The following NEGR1 variants were observed in gnomAD, a reference collection of about 807,000 sequenced individuals.
NEGR1 encodes IgLON family member 4.
In NEGR1, 10 loss-of-function variants were observed where a neutral mutation model predicts 40.9. The ratio of observed to expected loss-of-function variants is 0.24; its 90% CI spans 0.15 to 0.42. NEGR1 has a LOEUF of 0.42. Ranked by LOEUF, NEGR1 falls within the 10% of genes least tolerant of loss-of-function variation. NEGR1 has a pLI of 1.00. For synonymous variants in NEGR1, 185 were observed against 166.8 expected, an observed-to-expected ratio of 1.11 and a Z score of -0.84; for missense variants, 352 against 438.9, an observed-to-expected ratio of 0.80 and a Z score of 1.77.
chr1:71,582,500 T>C (rs1385209000), intron 6 of NEGR1, among the ~76,000 whole-genome samples: 4 of 152,322 alleles, frequency 2.6e-5, no homozygotes, highest in Admixed American at 6.5e-5. Flanking sequence ...TAGCAGCATA[T>C]TATTTTGCCT....
Position 72,166,399 on chromosome 1 carries a change from A to G in NEGR1, c.176+115920T>C, listed in dbSNP as rs551981229. Among the ~76,000 whole-genome samples the G allele has an allele frequency of 1.5e-3, 227 of 152,230 alleles. 2 individuals carry two copies. Among genetic ancestry groups the G allele is most frequent in the Non-Finnish European group, 2.7e-3 (184 of 67,952 alleles). On this transcript the variant is annotated intron_variant, in intron 1 of 6. Coordinates refer to ENST00000357731, the MANE Select transcript of NEGR1 (RefSeq NM_173808.3). ...CTCAGAAACTAAAAACAGAACTACC[A>G]TCTGATCCAGCAATCCTACTGCTGA...
At chr1:71,709,704 C>CA (rs1208558932) in intron 3 of NEGR1, among the ~76,000 whole-genome samples, 1 of 152,072 alleles carries the variant, frequency 6.6e-6, no homozygotes, top group African/African-American at 2.4e-5. Context: ...TCAACATATA[C>CA]AAAAAATCAA....
At chr1:72,089,235 C>T (rs949326690) in intron 1 of NEGR1, among the ~76,000 whole-genome samples, 4 of 152,130 alleles carry the variant, frequency 2.6e-5, no homozygotes, top group African/African-American at 7.2e-5. Flanking sequence ...GATGGAACCA[C>T]TAGCTACCAC....
intron 1 of NEGR1, among the ~76,000 whole-genome samples, chr1:71,940,914 G>A (rs936260532): frequency 6.6e-6 from 1 of 152,082 alleles, no homozygotes; most frequent in Non-Finnish European, 1.5e-5. Context: ...AAAAACATAA[G>A]CATTAGCACC....
chr1:72,229,092 G>A (rs1654277898), intron 1 of NEGR1, among the ~76,000 whole-genome samples: 1 of 151,960 alleles, frequency 6.6e-6, no homozygotes, highest in African/African-American at 2.4e-5. Context: ...AAAAATGTTG[G>A]AGCTGGCATT....
intron 6 of NEGR1, among the ~76,000 whole-genome samples, chr1:71,591,470 G>A (rs931053020): frequency 5.3e-5 from 8 of 151,972 alleles, no homozygotes; most frequent in African/African-American, 1.2e-4. Flanking sequence ...TTACTTTGCC[G>A]TGTTAATTCA....
At chr1:71,704,420 G>T (rs1653817616) in intron 3 of NEGR1, among the ~76,000 whole-genome samples, 1 of 151,792 alleles carries the variant, frequency 6.6e-6, no homozygotes, top group Admixed American at 6.6e-5. Context: ...AGAACAAAAA[G>T]AGATGACACA....
At chr1:72,184,287 C>T (rs2100418212) in intron 1 of NEGR1, among the ~76,000 whole-genome samples, 1 of 152,144 alleles carries the variant, frequency 6.6e-6, no homozygotes, top group Middle Eastern at 3.4e-3. Context: ...ACATTACTGG[C>T]AACAAAGAGG....
At chr1:72,146,498 T>C (rs934959206) in intron 1 of NEGR1, among the ~76,000 whole-genome samples, 6 of 152,156 alleles carry the variant, frequency 3.9e-5, no homozygotes, top group African/African-American at 1.4e-4. Context: ...ATTGCACACA[T>C]GGGTGGCTGG....
At chr1:71,433,796 G>C (rs1322079670) in intron 6 of NEGR1, among the ~76,000 whole-genome samples, 1 of 152,230 alleles carries the variant, frequency 6.6e-6, no homozygotes, top group African/African-American at 2.4e-5. Context: ...CAGTGTGTGT[G>C]TGTGAGAGAG....
chr1:72,040,225 C>T (rs1205250526), intron 1 of NEGR1, among the ~76,000 whole-genome samples: 1 of 151,806 alleles, frequency 6.6e-6, no homozygotes, highest in Non-Finnish European at 1.5e-5. Context: ...CCCCCGAATC[C>T]CGCATCGTAA....
chr1:71,849,601 A>G (rs563621131), intron 2 of NEGR1, among the ~76,000 whole-genome samples: 8 of 152,320 alleles, frequency 5.3e-5, no homozygotes, highest in African/African-American at 9.6e-5. Context: ...AAAACAATTT[A>G]TATTGGCAAA....
At chr1:71,498,737 G>T (rs534307100) in intron 6 of NEGR1, among the ~76,000 whole-genome samples, 1 of 152,156 alleles carries the variant, frequency 6.6e-6, no homozygotes, top group East Asian at 1.9e-4. Context: ...ATTTGCAGTT[G>T]ATTATGCAAT....
chr1:71,701,436 A>C (rs537361898), intron 3 of NEGR1, among the ~76,000 whole-genome samples: 1 of 152,078 alleles, frequency 6.6e-6, no homozygotes, highest in Non-Finnish European at 1.5e-5. Context: ...ATGTTGGGTC[A>C]AGTCTTTATC....
At position 72,274,950 on chromosome 1, in the gene NEGR1, C is replaced by T. The variant is rs1376211448; in HGVS notation, c.176+7369G>A. On this transcript the variant is annotated intron_variant, in intron 1 of 6. Transcript: ENST00000357731. The stretch of plus-strand genomic sequence containing the variant: ...ACGTCTGCATGATCTCCTTTGCGCA[C>T]GATGTAGCAGCACAAGGGAAGTACA... 18 of 1,534,964 alleles carry T rather than the reference C, an allele frequency of 1.2e-5. No homozygotes were observed. In the East Asian group the frequency reaches 3.4e-4, roughly 29 times the overall value.
At chr1:72,231,338 G>T (rs1391719884) in intron 1 of NEGR1, among the ~76,000 whole-genome samples, 1 of 151,922 alleles carries the variant, frequency 6.6e-6, no homozygotes, top group Non-Finnish European at 1.5e-5. Flanking sequence ...TGATTAAGAG[G>T]ACAAACTCTG....
intron 2 of NEGR1, among the ~76,000 whole-genome samples, chr1:71,901,061 T>A: frequency 6.6e-6 from 1 of 152,246 alleles, no homozygotes; most frequent in East Asian, 1.9e-4. Flanking sequence ...CATTTTTCTC[T>A]ACTTTAAAAT....
intron 1 of NEGR1, among the ~76,000 whole-genome samples, chr1:72,217,082 G>A (rs1281597992): frequency 6.6e-6 from 1 of 151,640 alleles, no homozygotes; most frequent in East Asian, 1.9e-4. Context: ...TTAAACAATA[G>A]TATCCCCAAT....
chr1:71,526,125 C>A (rs1197583990), intron 6 of NEGR1, among the ~76,000 whole-genome samples: 2 of 151,546 alleles, frequency 1.3e-5, no homozygotes, highest in South Asian at 4.2e-4. Flanking sequence ...TTCTGCTATA[C>A]TTTTATCTGG....
Sources: allele counts gnomAD v4.1 joint callset (sites outside exome capture counted in the v4.1 genomes callset), GRCh38; gene constraint gnomAD v4.1.1; transcripts MANE v1.5; gene names NCBI Gene and HGNC (gene_info 2026-07-23, HGNC 2026-07-21).